Variants in KLHDC4 observed in about 807,000 individuals in gnomAD.
KLHDC4 encodes kelch domain-containing protein 4.
A neutral mutation model predicts 62.4 loss-of-function variants in KLHDC4; 90 were observed. The observed-to-expected ratio is 1.44, with a 90% CI of 1.22 to 1.72. The LOEUF is 1.72. Ranked by LOEUF, KLHDC4 falls within the 40% of genes most tolerant of loss-of-function variation. The pLI is 0.00. For synonymous variants in KLHDC4, 386 were observed against 284.4 expected (o/e 1.36, Z -3.59); for missense variants, 1,025 against 699.7 (o/e 1.47, Z -5.25).
intron 5 of KLHDC4, among the ~76,000 whole-genome samples, chr16:87,738,134 T>C (rs1041995163): frequency 1.3e-5 from 2 of 152,170 alleles, no homozygotes; most frequent in African/African-American, 4.8e-5. Flanking sequence ...TCCATTCCTA[T>C]GGTGACCTGT....
chr16:87,751,414 C>T (rs2043912410), intron 4 of KLHDC4, among the ~76,000 whole-genome samples: 3 of 150,530 alleles, frequency 2.0e-5, no homozygotes, highest in Non-Finnish European at 4.4e-5. Flanking sequence ...GCAGAAGTTG[C>T]AGTGAGCTGA....
chr16:87,754,277 C>A (rs1296959804), intron 4 of KLHDC4, among the ~76,000 whole-genome samples: 1 of 152,112 alleles, frequency 6.6e-6, no homozygotes, highest in African/African-American at 2.4e-5. Flanking sequence ...ACCTGGGGGG[C>A]AGAGGTTGCA....
chr16:87,706,249 C>T (rs2034690754), downstream of KLHDC4, among the ~76,000 whole-genome samples: 1 of 100,662 alleles, frequency 9.9e-6, no homozygotes, highest in African/African-American at 4.4e-5. Flanking sequence ...AATGCAAACA[C>T]AAGCTGCAGC....
rs1337929756 is a variant in KLHDC4 at position 87,738,226 on chromosome 16, G to A, written c.507-7582C>T. Among the ~76,000 whole-genome samples the A allele has an allele frequency of 2.0e-5, 3 of 152,114 alleles. No homozygotes were observed. The East Asian group carries it at 5.8e-4, about 29-fold the overall frequency. On this transcript the variant is annotated intron_variant, in intron 5 of 11. Coordinates refer to ENST00000270583, the MANE Select transcript of KLHDC4 (RefSeq NM_017566.4). Reference sequence around the variant, plus strand: ...TTCACTACAGAATCGTAAAGTAACGGAATCATCCTGCCGAGGAGCCTTCTC... The same window carrying A: ...TTCACTACAGAATCGTAAAGTAACGAAATCATCCTGCCGAGGAGCCTTCTC...
chr16:87,735,717 A>C (rs2041198213), intron 5 of KLHDC4, among the ~76,000 whole-genome samples: 1 of 152,224 alleles, frequency 6.6e-6, no homozygotes, highest in Non-Finnish European at 1.5e-5. Context: ...TGTCATTCCT[A>C]AATACGAAGT....
At chr16:87,708,610 C>G (rs565501695) in intron 10 of KLHDC4, 144 bp from the exon 11 acceptor site, 1 of 469,270 alleles carries the variant, frequency 2.1e-6, no homozygotes, top group South Asian at 6.5e-5. Flanking sequence ...TCCCCGACCC[C>G]CTTCAGATCC....
chr16:87,714,654 T>A, intron 7 of KLHDC4, 81 bp from the exon 8 acceptor site: 1 of 1,482,446 alleles, frequency 6.7e-7, no homozygotes, highest in East Asian at 2.3e-5. Flanking sequence ...TGGGCGCATT[T>A]TGGATGGAAG....
rs374665017 is a variant in KLHDC4, at chr16:87,755,239, G to A, written c.324C>T (p.Thr108=). Residue 108 remains threonine (T), a synonymous_variant, in exon 4 of 12, where the codon ACC becomes ACT. Transcript: ENST00000270583. ...YVYNTRKDTW[T]KVDIPSPPPR... Reference sequence around the variant, plus strand: ...GAGGTGGACTGGGGATGTCAACTTTGGTCCAGGTGTCCTTTCTGGTATTGT... The same window carrying A: ...GAGGTGGACTGGGGATGTCAACTTTAGTCCAGGTGTCCTTTCTGGTATTGT... 1.2e-6 allele frequency: 2 copies of A among 1,611,924 alleles called. No homozygotes were observed. The highest frequency in any genetic ancestry group is 1.7e-6 in the Non-Finnish European group (2 of 1,178,166).
In KLHDC4 at chr16:87,758,730, C is replaced by G. The variant is rs1477065050; in HGVS notation, c.192-2253G>C. 1.3e-5 allele frequency among the ~76,000 whole-genome samples: 2 copies of G among 152,326 alleles called. 1 individual carries two copies. The highest frequency in any genetic ancestry group is 3.9e-4 in the East Asian group (2 of 5,192). On this transcript the variant is annotated intron_variant, in intron 2 of 11. Coordinates refer to ENST00000270583, the MANE Select transcript of KLHDC4 (RefSeq NM_017566.4). ...AGAAAGTTTACAAATACGTGTCACGCTGCATTCGAAGCTGTCCTGGGCCAC... is the reference window on the plus strand; with the variant it reads ...AGAAAGTTTACAAATACGTGTCACGGTGCATTCGAAGCTGTCCTGGGCCAC...
downstream of KLHDC4, among the ~76,000 whole-genome samples, chr16:87,705,890 C>T (rs1374237709): frequency 6.6e-6 from 1 of 152,238 alleles, no homozygotes; most frequent in Non-Finnish European, 1.5e-5. Context: ...GAGGAAAGGA[C>T]CTTGATTGCC....
intron 7 of KLHDC4, among the ~76,000 whole-genome samples, chr16:87,721,031 AC>A (rs1474675173): frequency 6.6e-6 from 1 of 152,086 alleles, no homozygotes; most frequent in Non-Finnish European, 1.5e-5. Context: ...ATCCGAGACC[AC>A]CTTCTTAACG....
intron 7 of KLHDC4, among the ~76,000 whole-genome samples, chr16:87,721,079 T>C (rs934169408): frequency 6.6e-6 from 1 of 152,216 alleles, no homozygotes; most frequent in Non-Finnish European, 1.5e-5. Context: ...CCAAGACTTC[T>C]ACCTGTCGCT....
chr16:87,719,040 T>C (rs570518748), intron 7 of KLHDC4, among the ~76,000 whole-genome samples: 9 of 148,242 alleles, frequency 6.1e-5, no homozygotes, highest in Non-Finnish European at 1.2e-4. Context: ...AGCCACCCCA[T>C]CCGGGAGGTG....
At chr16:87,757,904 T>A (rs1055304350) in intron 2 of KLHDC4, among the ~76,000 whole-genome samples, 48 of 151,846 alleles carry the variant, frequency 3.2e-4, no homozygotes, top group Admixed American at 2.6e-4. Flanking sequence ...AAACAAAAAA[T>A]AAATAAATAA....
At chr16:87,761,213 T>C (rs542670835) in intron 2 of KLHDC4, among the ~76,000 whole-genome samples, 32 of 152,320 alleles carry the variant, frequency 2.1e-4, no homozygotes, top group African/African-American at 7.2e-4. Context: ...CTGATCACCG[T>C]GCTCCTCCCA....
chr16:87,750,079 T>TC lies in KLHDC4; in HGVS notation c.370-1271dup, dbSNP rs369932405. ...CCACCGGCTACTCCACATGAGGCCC[T>TC]CCGTGGCCCACTCCCTCTCAGGGCC... On this transcript the variant is annotated intron_variant, in intron 4 of 11. Coordinates refer to ENST00000270583, the MANE Select transcript of KLHDC4 (RefSeq NM_017566.4). Among the ~76,000 whole-genome samples the TC allele has an allele frequency of 4.2e-3, 644 of 152,220 alleles. 4 individuals are homozygous for TC. The highest frequency in any genetic ancestry group is 0.014 in the African/African-American group (600 of 41,544).
intron 5 of KLHDC4, among the ~76,000 whole-genome samples, chr16:87,745,161 C>T (rs1209998910): frequency 1.3e-5 from 2 of 152,212 alleles, no homozygotes; most frequent in African/African-American, 4.8e-5. Context: ...CAGGTGCCAC[C>T]CACTGAGCGG....
chr16:87,748,925 C>G, intron 4 of KLHDC4, 116 bp from the exon 5 acceptor site: 1 of 1,187,684 alleles, frequency 8.4e-7, no homozygotes, highest in Non-Finnish European at 1.1e-6. Context: ...GCAACATGAC[C>G]AGCCCCACAC....
At chr16:87,764,445 T>A (rs1184120809) in intron 1 of KLHDC4, among the ~76,000 whole-genome samples, 1 of 150,626 alleles carries the variant, frequency 6.6e-6, no homozygotes, top group Non-Finnish European at 1.5e-5. Context: ...AGGTCAGGAG[T>A]CCCAGACCAG....
Sources: gnomAD v4.1 joint callset for allele counts (sites outside exome capture counted in the v4.1 genomes callset) on GRCh38, gnomAD v4.1.1 for gene constraint, MANE v1.5 for transcripts, NCBI Gene and HGNC (gene_info 2026-07-23, HGNC 2026-07-21) for gene names.